The following LSM14A variants were observed in gnomAD, a reference collection of about 807,000 sequenced individuals.
The protein encoded by LSM14A is LSM14A mRNA processing body assembly factor.
A neutral mutation model predicts 52.4 loss-of-function variants in LSM14A; 14 were observed. That is an observed-to-expected ratio of 0.27 (90% CI 0.18 to 0.42). The LOEUF is 0.42. Ranked by LOEUF, LSM14A falls within the 10% of genes least tolerant of loss-of-function variation. The pLI, the probability that LSM14A is intolerant of heterozygous loss-of-function variation, is 1.00. For missense variants in LSM14A, 417 were observed against 581.8 expected (o/e 0.72, Z 2.91); for synonymous variants, 185 against 200.3 (o/e 0.92, Z 0.64).
chr19:34,199,995 A>G (rs1019803168), intron 3 of LSM14A, among the ~76,000 whole-genome samples: 7 of 152,208 alleles, frequency 4.6e-5, no homozygotes, highest in Non-Finnish European at 2.9e-5. Context: ...GTGGTTACCA[A>G]CTTCGTTGAG....
intron 1 of LSM14A, among the ~76,000 whole-genome samples, chr19:34,174,106 C>G (rs1288435318): frequency 6.6e-6 from 1 of 152,170 alleles, no homozygotes; most frequent in East Asian, 1.9e-4. Flanking sequence ...CCTGCCACCA[C>G]CCCTAGCTAA....
At position 34,192,316 on chromosome 19, in the gene LSM14A, GTTGTTT is replaced by G. The variant is rs1464476426; in HGVS notation, c.122-2159_122-2154del. Among the ~76,000 whole-genome samples, 117 of 65,774 alleles carry G rather than the reference GTTGTTT, an allele frequency of 1.8e-3. 4 individuals are homozygous for G. The highest frequency in any genetic ancestry group is 2.9e-3 in the Non-Finnish European group (100 of 34,544). 43.2% of individuals were successfully genotyped at this position (65,774 alleles called of 152,430 possible). A position where few individuals can be genotyped will look rare whatever the true frequency, so the allele number is the denominator to read the frequency against. ...TTTACACTGAAATAACATTCTTTTT[GTTGTTT>G]TTTTTTTTTTTTTTTTTTTTGGAGT... On this transcript the variant is annotated intron_variant, in intron 1 of 9. Transcript: ENST00000544216.
chr19:34,226,347 T>C, intron 9 of LSM14A: 1 of 1,447,012 alleles, frequency 6.9e-7, no homozygotes, highest in Non-Finnish European at 9.2e-7. Context: ...TTTTCTCCTT[T>C]CTCCCTCTCC....
chr19:34,210,587 T>C (rs1419788485), intron 4 of LSM14A, among the ~76,000 whole-genome samples: 4 of 151,642 alleles, frequency 2.6e-5, no homozygotes, highest in Non-Finnish European at 4.4e-5. Flanking sequence ...GCTTAATTTT[T>C]AAACATTCTA....
chr19:34,186,267 G>A (rs1453213513), intron 1 of LSM14A, among the ~76,000 whole-genome samples: 1 of 152,222 alleles, frequency 6.6e-6, no homozygotes, highest in Non-Finnish European at 1.5e-5. Context: ...GGAGTTGGGT[G>A]ATGGCTAATT....
At position 34,208,974 on chromosome 19, in the gene LSM14A, G is replaced by T. The variant is rs748916486; in HGVS notation, c.461G>T (p.Gly154Val). The T allele has an allele frequency of 3.1e-6, 5 of 1,611,146 alleles. No individual in the cohort carries two copies. In the African/African-American group the frequency reaches 4.0e-5, roughly 13 times the overall value. ...TTTGGAACAGAAACATCAAACAGTG[G>T]TACCTTACCCCAAAGTAGTGCGGTT... is the stretch of plus-strand genomic sequence containing the variant. ...TSFGTETSNS[G>V]TLPQSSAVGS... The change falls in exon 4 of 10, where the codon GGT (glycine) becomes GTT (valine). Residue 154 changes from glycine to valine, a missense_variant. Gly to Val is a moderately radical substitution (Grantham distance 109). This residue lies in a region of LSM14A where 357 missense variants were observed against 457.0 expected (regional missense o/e 0.78). Transcript: ENST00000544216.
intron 1 of LSM14A, among the ~76,000 whole-genome samples, chr19:34,173,758 C>G (rs573882595): frequency 3.8e-4 from 58 of 152,298 alleles, no homozygotes; most frequent in African/African-American, 1.3e-3. Context: ...TTTCCCAGCA[C>G]TTCTGGTAGA....
chr19:34,226,994 A>G (rs564164274), intron 9 of LSM14A, among the ~76,000 whole-genome samples: 1 of 152,336 alleles, frequency 6.6e-6, no homozygotes, highest in East Asian at 1.9e-4. Flanking sequence ...ATTTTATGAA[A>G]CTTGTTTCAA....
At position 34,209,015 on chromosome 19, in the gene LSM14A, C is replaced by T. The variant is rs376519971; in HGVS notation, c.502C>T (p.Gln168Ter). 1 of 1,608,872 alleles carries T rather than the reference C, an allele frequency of 6.2e-7. No homozygotes were observed. Residue 168 changes from glutamine (Q) to a stop codon, truncating the protein, a stop_gained, in exon 4 of 10, where the codon CAG becomes TAG. Coordinates refer to ENST00000544216, the MANE Select transcript of LSM14A (RefSeq NM_015578.4). LOFTEE classifies it high-confidence loss of function. ...QSSAVGSAFTQDTRSLKTQLS... is the reference protein window; with the variant it reads ...QSSAVGSAFT ...TAGTGCGGTTGGTTCTGCCTTTACACAGGATACAAGATCTCTAAAAACACA... is the reference window on the plus strand; with the variant it reads ...TAGTGCGGTTGGTTCTGCCTTTACATAGGATACAAGATCTCTAAAAACACA...
chr19:34,202,368 C>T (rs1218804954), intron 3 of LSM14A, among the ~76,000 whole-genome samples: 3 of 151,366 alleles, frequency 2.0e-5, no homozygotes, highest in Non-Finnish European at 2.9e-5. Context: ...TGGCACACTC[C>T]TGTAATCCCA....
chr19:34,182,717 A>AC (rs1345691255), intron 1 of LSM14A, among the ~76,000 whole-genome samples: 4 of 149,062 alleles, frequency 2.7e-5, no homozygotes, highest in African/African-American at 9.9e-5. Flanking sequence ...GGTGGCAGGC[A>AC]CCTGTAGTCC....
intron 3 of LSM14A, among the ~76,000 whole-genome samples, chr19:34,206,685 A>G (rs181832505): frequency 6.6e-6 from 1 of 152,154 alleles, no homozygotes; most frequent in Non-Finnish European, 1.5e-5. Flanking sequence ...AAAAGAAAAA[A>G]AGAAAATTCA....
chr19:34,219,390 G>T lies in LSM14A; in HGVS notation c.782-1G>T. 6.2e-7 allele frequency: 1 copy of T among 1,603,046 alleles called. No homozygotes were observed. The highest frequency in any genetic ancestry group is 8.5e-7 in the Non-Finnish European group (1 of 1,175,362). ...TTTGTATATATTCTTTATTATCATA[G>T]CTCCAGGTGCTCCTTCAGCTCCAAG... On this transcript the variant is annotated splice_acceptor_variant, in intron 6 of 9. Transcript: ENST00000544216. LOFTEE classifies it high-confidence loss of function.
chr19:34,227,291 A>G, intron 9 of LSM14A, 74 bp from the exon 10 acceptor site: 1 of 975,042 alleles, frequency 1.0e-6, no homozygotes, highest in Non-Finnish European at 1.6e-6. Context: ...ATTTAAAATA[A>G]ACTTGAGCAA....
At chr19:34,184,617 A>G (rs1339190560) in intron 1 of LSM14A, among the ~76,000 whole-genome samples, 1 of 152,156 alleles carries the variant, frequency 6.6e-6, no homozygotes, top group African/African-American at 2.4e-5. Flanking sequence ...TTAATTTTCC[A>G]AGACCCAGAT....
Position 34,227,486 on chromosome 19 carries a change from G to T in LSM14A, c.*98G>T. 2.2e-6 allele frequency: 2 copies of T among 928,216 alleles called. No individual in the cohort carries two copies. Among genetic ancestry groups the T allele is most frequent in the Non-Finnish European group, 3.2e-6 (2 of 616,786 alleles). The allele number at this position is 928,216 out of a possible 1,614,324, so 57.5% of individuals were successfully genotyped here. ...CAAAGAATGAAGAAGTGAATTCGCTGTACATTTGTCACCAGCACTGGGTTT... is the reference window on the plus strand; with the variant it reads ...CAAAGAATGAAGAAGTGAATTCGCTTTACATTTGTCACCAGCACTGGGTTT... On this transcript the variant is annotated 3_prime_UTR_variant, in exon 10 of 10. Coordinates refer to ENST00000544216, the MANE Select transcript of LSM14A (RefSeq NM_015578.4).
At chr19:34,212,834 C>T (rs1206846083) in intron 4 of LSM14A, among the ~76,000 whole-genome samples, 1 of 152,180 alleles carries the variant, frequency 6.6e-6, no homozygotes, top group African/African-American at 2.4e-5. Context: ...TCTGTACTTG[C>T]TCCGATTGCC....
intron 9 of LSM14A, among the ~76,000 whole-genome samples, chr19:34,223,549 TGGTATACTGCCCA>T (rs1263585617): frequency 6.6e-6 from 1 of 152,252 alleles, no homozygotes; most frequent in Non-Finnish European, 1.5e-5. Context: ...TGTTGGCTCA[TGGTATACTGCCCA>T]GGCACTAGAG....
At position 34,227,613 on chromosome 19, in the gene LSM14A, A is replaced by G. The variant is rs2073407973; in HGVS notation, c.*225A>G. On this transcript the variant is annotated 3_prime_UTR_variant, in exon 10 of 10. Transcript: ENST00000544216. ...AACATGAGCATTAAATATATTTGGAATAGCAGAAGGTTAAGTAATTTCTTA... is the reference window on the plus strand; with the variant it reads ...AACATGAGCATTAAATATATTTGGAGTAGCAGAAGGTTAAGTAATTTCTTA... 1.1e-5 allele frequency: 5 copies of G among 453,100 alleles called. No individual in the cohort carries two copies. The highest frequency in any genetic ancestry group is 5.6e-4 in the Middle Eastern group (1 of 1,776). 28.1% of individuals were successfully genotyped at this position (453,100 alleles called of 1,614,324 possible). A position where few individuals can be genotyped will look rare whatever the true frequency, so the allele number is the denominator to read the frequency against.
Sources: allele counts gnomAD v4.1 joint callset (sites outside exome capture counted in the v4.1 genomes callset), GRCh38; gene constraint gnomAD v4.1.1; regional missense constraint gnomAD v4.1.1; transcripts MANE v1.5; gene names NCBI Gene and HGNC (gene_info 2026-07-23, HGNC 2026-07-21).